Variants in NPAS3 observed in about 807,000 individuals in gnomAD.
NPAS3 encodes the protein neuronal PAS domain-containing protein 3.
In NPAS3, 14 loss-of-function variants were observed where a neutral mutation model predicts 73.1. That is an observed-to-expected ratio of 0.19 (90% CI 0.13 to 0.30). The LOEUF (loss-of-function observed/expected upper bound fraction) is 0.30. NPAS3 is among the 10% of genes least tolerant of loss of function. NPAS3 has a pLI of 1.00. For synonymous variants in NPAS3, 620 were observed against 541.5 expected (o/e 1.14, Z -2.01); for missense variants, 1,096 against 1,250.0 (o/e 0.88, Z 1.86).
At chr14:33,040,271 A>G (rs141362849) in intron 1 of NPAS3, among the ~76,000 whole-genome samples, 44 of 152,312 alleles carry the variant, frequency 2.9e-4, no homozygotes, top group African/African-American at 1.0e-3. Context: ...CAAGGAAATA[A>G]TAGGCATTTT....
At chr14:33,032,665 C>G (rs1172738005) in intron 1 of NPAS3, among the ~76,000 whole-genome samples, 1 of 152,196 alleles carries the variant, frequency 6.6e-6, no homozygotes, top group Non-Finnish European at 1.5e-5. Flanking sequence ...TACACGGACT[C>G]CCAGAGTTCC....
chr14:33,495,758 T>C (rs997339649), intron 4 of NPAS3, among the ~76,000 whole-genome samples: 1 of 152,068 alleles, frequency 6.6e-6, no homozygotes, highest in Non-Finnish European at 1.5e-5. Flanking sequence ...TTAATCTTTG[T>C]TTGTTTAACG....
chr14:33,292,559 GA>G (rs1177695127), intron 3 of NPAS3, among the ~76,000 whole-genome samples: 2 of 151,792 alleles, frequency 1.3e-5, no homozygotes, highest in Non-Finnish European at 1.5e-5. Flanking sequence ...ATGTTTTACA[GA>G]AAAAAAATTT....
At chr14:33,081,165 TC>T (rs1451004285) in intron 2 of NPAS3, among the ~76,000 whole-genome samples, 1 of 152,282 alleles carries the variant, frequency 6.6e-6, no homozygotes, top group African/African-American at 2.4e-5. Flanking sequence ...TTGGGCGTGT[TC>T]AGGGTGGTAT....
intron 3 of NPAS3, among the ~76,000 whole-genome samples, chr14:33,259,236 T>C (rs972520694): frequency 1.3e-5 from 2 of 152,212 alleles, no homozygotes; most frequent in Admixed American, 6.5e-5. Context: ...TTATGGTTCC[T>C]AGTTCTGTCT....
intron 3 of NPAS3, among the ~76,000 whole-genome samples, chr14:33,276,966 C>G (rs1327131519): frequency 6.6e-6 from 1 of 152,068 alleles, no homozygotes; most frequent in Non-Finnish European, 1.5e-5. Context: ...ACTATGTAAA[C>G]ATAACAAAGC....
intron 3 of NPAS3, among the ~76,000 whole-genome samples, chr14:33,236,872 A>C (rs772020490): frequency 2.0e-5 from 3 of 152,170 alleles, no homozygotes; most frequent in Non-Finnish European, 2.9e-5. Flanking sequence ...CAGCGACATT[A>C]TACTGAACCT....
chr14:33,408,606 T>C (rs1385882160), intron 4 of NPAS3, among the ~76,000 whole-genome samples: 1 of 152,210 alleles, frequency 6.6e-6, no homozygotes, highest in African/African-American at 2.4e-5. Flanking sequence ...AGAGATCTGG[T>C]TGTGTTTCCT....
intron 5 of NPAS3, among the ~76,000 whole-genome samples, chr14:33,604,856 C>T (rs566623584): frequency 7.9e-5 from 12 of 152,130 alleles, no homozygotes; most frequent in Middle Eastern, 3.4e-3. Flanking sequence ...CAAAATTACT[C>T]ATGGCTCAAA....
chr14:33,181,949 C>T (rs1156813562), intron 2 of NPAS3, among the ~76,000 whole-genome samples: 1 of 152,160 alleles, frequency 6.6e-6, no homozygotes, highest in East Asian at 1.9e-4. Context: ...GTGCTTTTCA[C>T]TTTTCTCCTT....
At chr14:33,101,416 CA>C (rs1211062891) in intron 2 of NPAS3, among the ~76,000 whole-genome samples, 1 of 152,096 alleles carries the variant, frequency 6.6e-6, no homozygotes, top group Admixed American at 6.6e-5. Context: ...ATATGAACAA[CA>C]ATAACTTGTA....
intron 3 of NPAS3, among the ~76,000 whole-genome samples, chr14:33,259,768 G>A (rs1261630701): frequency 6.6e-6 from 1 of 152,072 alleles, no homozygotes; most frequent in African/African-American, 2.4e-5. Context: ...TGCTGAAAAT[G>A]CCATCTTTAG....
chr14:33,376,796 T>A (rs1217760616), intron 4 of NPAS3, among the ~76,000 whole-genome samples: 3 of 152,198 alleles, frequency 2.0e-5, no homozygotes, highest in Admixed American at 6.5e-5. Flanking sequence ...TTTTCATCTT[T>A]AAAATGGAGA....
chr14:33,377,710 T>C lies in NPAS3; in HGVS notation c.468+10442T>C, dbSNP rs548969319. ...GTGTGAGTGAGGGGAAGGAAGCAGT[T>C]TGAGGTAACATTTTGGAGGAAAGCC... is the stretch of plus-strand genomic sequence containing the variant. On this transcript the variant is annotated intron_variant, in intron 4 of 11. Transcript: ENST00000356141. Among the ~76,000 whole-genome samples the C allele has an allele frequency of 9.2e-5, 14 of 152,278 alleles. No individual in the cohort carries two copies. The East Asian group carries it at 2.3e-3, about 25-fold the overall frequency.
At chr14:32,946,326 TCCC>T (rs1200003852) in intron 1 of NPAS3, among the ~76,000 whole-genome samples, 2 of 106,936 alleles carry the variant, frequency 1.9e-5, no homozygotes, top group Non-Finnish European at 3.9e-5. Flanking sequence ...TACTCCCCCA[TCCC>T]CCCAACACAC....
chr14:33,386,297 C>CT (rs2046773324), intron 4 of NPAS3, among the ~76,000 whole-genome samples: 1 of 152,072 alleles, frequency 6.6e-6, no homozygotes, highest in Non-Finnish European at 1.5e-5. Flanking sequence ...TCAGTAAGTA[C>CT]TTTTTTATCT....
At chr14:33,660,942 C>T (rs545814229) in intron 5 of NPAS3, among the ~76,000 whole-genome samples, 1 of 152,204 alleles carries the variant, frequency 6.6e-6, no homozygotes, top group East Asian at 1.9e-4. Flanking sequence ...TTCAGTGTTT[C>T]CCCCACCTTT....
intron 7 of NPAS3, among the ~76,000 whole-genome samples, chr14:33,740,006 C>T (rs947689761): frequency 6.6e-6 from 1 of 152,174 alleles, no homozygotes; most frequent in Admixed American, 6.6e-5. Context: ...GTTATCCCTT[C>T]TCTTCTGTGC....
intron 3 of NPAS3, among the ~76,000 whole-genome samples, chr14:33,346,940 GT>G (rs1200486041): frequency 6.6e-6 from 1 of 152,068 alleles, no homozygotes; most frequent in Non-Finnish European, 1.5e-5. Context: ...CTGCCAATAT[GT>G]TTCCTCCAGG....
Sources: allele counts gnomAD v4.1 joint callset (sites outside exome capture counted in the v4.1 genomes callset), GRCh38; gene constraint gnomAD v4.1.1; transcripts MANE v1.5; gene names NCBI Gene and HGNC (gene_info 2026-07-23, HGNC 2026-07-21).